Variants in FLNB observed in about 807,000 individuals in gnomAD.
FLNB encodes filamin-B.
A neutral mutation model predicts 250.6 loss-of-function variants in FLNB; 111 were observed. That is an observed-to-expected ratio of 0.44 (90% CI 0.38 to 0.52). The LOEUF is 0.52. Ranked by LOEUF, FLNB falls within the 20% of genes least tolerant of loss-of-function variation. The probability of loss-of-function intolerance (pLI) is 0.00; values close to 1 mark genes in which losing one functional copy is unlikely to be tolerated. For missense variants in FLNB, 2,869 were observed against 3,447.8 expected (o/e 0.83, Z 4.20); for synonymous variants, 1,302 against 1,372.1 (o/e 0.95, Z 1.13).
intron 29 of FLNB, among the ~76,000 whole-genome samples, chr3:58,140,545 T>C (rs1231896010): frequency 2.0e-5 from 3 of 152,198 alleles, no homozygotes; most frequent in African/African-American, 7.2e-5. Context: ...TTCTTTCTTA[T>C]GGCGGAAGAG....
rs1418802226 is a variant in FLNB at position 58,142,119 on chromosome 3, G to A, written c.5181+190G>A. ...TAAGATCACCTTTGCGTCACCATCC[G>A]TGCTCCACGAATCGCCAGCCGTCGT... On this transcript the variant is annotated intron_variant, in intron 30 of 45. Coordinates refer to ENST00000295956, the MANE Select transcript of FLNB (RefSeq NM_001457.4). The surrounding 1 kb of genome is among the most constrained non-coding windows in gnomAD (Gnocchi z 4.3). Among the ~76,000 whole-genome samples, 2 of 152,084 alleles carry A rather than the reference G, an allele frequency of 1.3e-5. No individual in the cohort carries two copies. Among genetic ancestry groups the A allele is most frequent in the Admixed American group, 6.5e-5 (1 of 15,270 alleles).
At chr3:58,076,114 C>G (rs776571958) in intron 1 of FLNB, among the ~76,000 whole-genome samples, 2 of 152,162 alleles carry the variant, frequency 1.3e-5, no homozygotes, top group Non-Finnish European at 2.9e-5. Context: ...TTAAGAATGA[C>G]TGACGTGTCA....
chr3:58,086,919 C>T (rs1360819332), intron 4 of FLNB, among the ~76,000 whole-genome samples: 3 of 152,164 alleles, frequency 2.0e-5, no homozygotes, highest in African/African-American at 4.8e-5. Context: ...TCGAGACCAT[C>T]CTGGCCAACG....
At chr3:58,013,940 T>A (rs2097102355) in intron 1 of FLNB, among the ~76,000 whole-genome samples, 1 of 152,202 alleles carries the variant, frequency 6.6e-6, no homozygotes, top group South Asian at 2.1e-4. Context: ...AGAGCAAGGA[T>A]TCTTGGTTCA....
rs779818713 is a variant in FLNB, at chr3:58,112,273, T to C, written c.2700T>C (p.Asp900=). 6.2e-7 allele frequency: 1 copy of C among 1,614,032 alleles called. No individual in the cohort carries two copies. Among genetic ancestry groups the C allele is most frequent in the Admixed American group, 1.7e-5 (1 of 60,032 alleles). Residue 900 remains aspartate (D), a synonymous_variant, in exon 18 of 46, where the codon GAT becomes GAC. Transcript: ENST00000295956. ...GDAVKDLDII[D]NYDYSHTVKY... is the part of the protein sequence containing the mutation. The stretch of plus-strand genomic sequence containing the variant: ...CAGTGAAGGATTTGGATATCATCGA[T>C]AATTATGACTACTCTCACACGGTTA...
rs754049944 is a variant in FLNB at position 58,148,348 on chromosome 3, G to A, written c.5871G>A (p.Leu1957=). 1 of 1,613,764 alleles carries A rather than the reference G, an allele frequency of 6.2e-7. No homozygotes were observed. Among genetic ancestry groups the A allele is most frequent in the Non-Finnish European group, 8.5e-7 (1 of 1,179,898 alleles). ...ACGAGCCCTGTCTCCTGAAGAGGCT[G>A]CCCAACAACCACATTGGTGAGCTAG... ...GRDEPCLLKR[L]PNNHIGISFI... is the part of the protein sequence containing the mutation. The change falls in exon 35 of 46, where the codon CTG becomes CTA. Residue 1957 remains leucine (L), a synonymous_variant. Transcript: ENST00000295956.
At chr3:58,026,758 G>C (rs2097124158) in intron 1 of FLNB, among the ~76,000 whole-genome samples, 2 of 152,138 alleles carry the variant, frequency 1.3e-5, no homozygotes, top group South Asian at 4.1e-4. Context: ...GTTCATAATT[G>C]GGCCAGATTT....
At chr3:58,097,716 G>T in intron 6 of FLNB, 99 bp from the exon 7 acceptor site, 2 of 1,181,438 alleles carry the variant, frequency 1.7e-6, no homozygotes, top group Non-Finnish European at 2.5e-6. Context: ...GCCATCATGG[G>T]AGGGTAGGAG....
At chr3:58,122,874 C>A (rs1315437820) in intron 20 of FLNB, among the ~76,000 whole-genome samples, 2 of 152,138 alleles carry the variant, frequency 1.3e-5, no homozygotes, top group Non-Finnish European at 2.9e-5. Flanking sequence ...GGGGTCACAC[C>A]TCTCTCCTGT....
chr3:58,100,987 A>G (rs1293871615), intron 8 of FLNB, among the ~76,000 whole-genome samples: 2 of 152,092 alleles, frequency 1.3e-5, no homozygotes, highest in Non-Finnish European at 2.9e-5. Context: ...TCCCCGCCTC[A>G]GCCTCCCAAA....
intron 40 of FLNB, among the ~76,000 whole-genome samples, chr3:58,155,217 A>T (rs1255338311): frequency 6.6e-6 from 1 of 152,172 alleles, no homozygotes; most frequent in African/African-American, 2.4e-5. Context: ...ACCCATGGCT[A>T]CCCTGGCTGG....
At chr3:58,016,476 A>G (rs1031939213) in intron 1 of FLNB, among the ~76,000 whole-genome samples, 1 of 149,368 alleles carries the variant, frequency 6.7e-6, no homozygotes, top group Admixed American at 6.7e-5. Flanking sequence ...TCATATATAT[A>G]TATATTTATA....
chr3:58,125,564 TTTG>T lies in FLNB; in HGVS notation c.3899-11_3899-9del. 1 of 1,613,914 alleles carries T rather than the reference TTTG, an allele frequency of 6.2e-7. No homozygotes were observed. Among genetic ancestry groups the T allele is most frequent in the Non-Finnish European group, 8.5e-7 (1 of 1,179,786 alleles). On this transcript the variant is annotated splice_polypyrimidine_tract_variant and intron_variant, in intron 22 of 45. Transcript: ENST00000295956. ...ATTTGTATGCAAATATGCGTTTCTG[TTTG>T]TTGTTTTGAGCAGGTCTCCATGTAG...
chr3:58,119,186 G>A (rs1039666117), intron 19 of FLNB, among the ~76,000 whole-genome samples, 197 bp downstream of exon 19: 23 of 152,148 alleles, frequency 1.5e-4, no homozygotes, highest in East Asian at 9.6e-4. Flanking sequence ...GCCACACCGA[G>A]ACTCAGCTTT....
intron 1 of FLNB, among the ~76,000 whole-genome samples, chr3:58,065,324 T>C (rs993214587): frequency 2.6e-5 from 4 of 152,080 alleles, no homozygotes; most frequent in African/African-American, 9.7e-5. Flanking sequence ...TGTCTCCTCA[T>C]CTCCAAAATG....
chr3:58,055,469 G>C (rs1009630042), intron 1 of FLNB, among the ~76,000 whole-genome samples: 3 of 152,178 alleles, frequency 2.0e-5, no homozygotes, highest in African/African-American at 7.2e-5. Flanking sequence ...CTGCGTGAGA[G>C]ATGACTGAGG....
Position 58,097,932 on chromosome 3 carries a change from G to A in FLNB, c.1102G>A (p.Gly368Arg). The change falls in exon 7 of 46, where the codon GGG becomes AGG. Residue 368 changes from glycine (G) to arginine (R), a missense_variant. Physicochemically the swap from Gly to Arg is moderately radical, Grantham distance 125. This residue lies in a region of FLNB where 1,348 missense variants were observed against 1,466.7 expected (regional missense o/e 0.92). Coordinates refer to ENST00000295956, the MANE Select transcript of FLNB (RefSeq NM_001457.4). ...TAKGPGLEAV[G>R]NIANKPTYFD... Reference sequence around the variant, plus strand: ...AAAAGGTCCAGGGTTGGAAGCTGTAGGGAACATCGCCAATAAGCCCACCTA... The same window carrying A: ...AAAAGGTCCAGGGTTGGAAGCTGTAAGGAACATCGCCAATAAGCCCACCTA... The A allele has an allele frequency of 6.2e-7, 1 of 1,614,136 alleles. No homozygotes were observed. Among genetic ancestry groups the A allele is most frequent in the Non-Finnish European group, 8.5e-7 (1 of 1,180,008 alleles).
At chr3:58,155,802 T>A (rs1162907605) in intron 40 of FLNB, among the ~76,000 whole-genome samples, 158 bp from the exon 41 acceptor site, 1 of 152,100 alleles carries the variant, frequency 6.6e-6, no homozygotes, top group Non-Finnish European at 1.5e-5. Context: ...GGAAATCATA[T>A]CGGCCCAGCC....
chr3:58,023,698 A>G (rs2097118066), intron 1 of FLNB, among the ~76,000 whole-genome samples: 1 of 152,226 alleles, frequency 6.6e-6, no homozygotes, highest in African/African-American at 2.4e-5. Flanking sequence ...TTTGTCCAAC[A>G]TTAAAATGAA....
Sources: allele counts gnomAD v4.1 joint callset (sites outside exome capture counted in the v4.1 genomes callset), GRCh38; gene constraint gnomAD v4.1.1; regional missense constraint gnomAD v4.1.1; non-coding constraint Gnocchi (gnomAD v3.1); transcripts MANE v1.5; gene names NCBI Gene and HGNC (gene_info 2026-07-23, HGNC 2026-07-21).